Variants in ZC3H18 observed in about 807,000 individuals in gnomAD.
The protein encoded by ZC3H18 is zinc finger CCCH domain-containing protein 18.
Under a neutral mutation model 106.1 loss-of-function variants are expected in ZC3H18, and 8 were observed. The ratio of observed to expected loss-of-function variants is 0.08; its 90% CI spans 0.04 to 0.14. The LOEUF (loss-of-function observed/expected upper bound fraction) is 0.14. Among genes scored for constraint, ZC3H18 ranks in the 10% least tolerant of loss-of-function variants. The pLI is 1.00. For synonymous variants in ZC3H18, 635 were observed against 522.1 expected (o/e 1.22, Z -2.95); for missense variants, 1,318 against 1,278.4 (o/e 1.03, Z -0.47).
Position 88,577,350 on chromosome 16 carries a change from C to G in ZC3H18, c.227C>G (p.Pro76Arg), listed in dbSNP as rs780752004. 2 of 1,602,044 alleles carry G rather than the reference C, an allele frequency of 1.2e-6. No homozygotes were observed. The highest frequency in any genetic ancestry group is 2.2e-5 in the East Asian group (1 of 44,710). ...GACGAGGAGGACCGGGCAAGTGAGC[C>G]TAAATCCCAAGACCAGGACTCAGAG... ...HSDEEDRASE[P>R]KSQDQDSEVN... The change falls in exon 2 of 18, where the codon CCT (proline) becomes CGT (arginine). Residue 76 changes from proline to arginine, a missense_variant. Around this residue, in one of 6 missense-constraint regions of ZC3H18, gnomAD observed 346 missense variants for 269.0 expected, o/e 1.29. Coordinates refer to ENST00000301011, the MANE Select transcript of ZC3H18 (RefSeq NM_144604.4).
intron 1 of ZC3H18, among the ~76,000 whole-genome samples, chr16:88,576,511 G>A (rs1265548088): frequency 3.3e-5 from 5 of 152,112 alleles, no homozygotes; most frequent in Non-Finnish European, 2.9e-5. Flanking sequence ...CAGTGAACAC[G>A]CAGGCAGGGC....
At position 88,624,612 on chromosome 16, in the gene ZC3H18, G is replaced by T. The variant is rs778920136; in HGVS notation, c.1909G>T (p.Val637Leu). The T allele has an allele frequency of 1.2e-6, 2 of 1,611,658 alleles. No individual in the cohort carries two copies. Among genetic ancestry groups the T allele is most frequent in the East Asian group, 4.5e-5 (2 of 44,702 alleles). Residue 637 changes from valine (V) to leucine (L), a missense_variant, in exon 12 of 18, where the codon GTG becomes TTG. Physicochemically the swap from Val to Leu is conservative, Grantham distance 32 (BLOSUM62 1). Coordinates refer to ENST00000301011, the MANE Select transcript of ZC3H18 (RefSeq NM_144604.4). ...PPPGKAGEKS[V>L]KKPAPPPAPP... ...CTCCCTGTCTCACAGAGAGAAGTCA[G>T]TGAAGAAGCCGGCCCCGCCTCCAGC...
intron 3 of ZC3H18, among the ~76,000 whole-genome samples, chr16:88,590,110 T>A (rs944317793): frequency 3.9e-5 from 6 of 151,968 alleles, no homozygotes; most frequent in African/African-American, 2.4e-5. Flanking sequence ...TTGCAAGAGC[T>A]CATCTTTCTT....
chr16:88,571,924 T>C (rs1218968977), intron 1 of ZC3H18, among the ~76,000 whole-genome samples: 4 of 152,238 alleles, frequency 2.6e-5, no homozygotes, highest in Non-Finnish European at 5.9e-5. Flanking sequence ...TTGAAAGTAA[T>C]TGTCCCAAAA....
At chr16:88,581,779 C>T (rs1366531277) in intron 2 of ZC3H18, among the ~76,000 whole-genome samples, 1 of 152,230 alleles carries the variant, frequency 6.6e-6, no homozygotes, top group African/African-American at 2.4e-5. Context: ...CCTCTCCTTT[C>T]TCCTGCACGT....
At chr16:88,614,219 G>A (rs1905438270) in intron 8 of ZC3H18, among the ~76,000 whole-genome samples, 1 of 152,248 alleles carries the variant, frequency 6.6e-6, no homozygotes, top group African/African-American at 2.4e-5. Flanking sequence ...CAGCTTCGTG[G>A]CTGGAGCCAC....
At chr16:88,576,612 C>T (rs904136372) in intron 1 of ZC3H18, among the ~76,000 whole-genome samples, 1 of 152,182 alleles carries the variant, frequency 6.6e-6, no homozygotes, top group Admixed American at 6.5e-5. Flanking sequence ...ACAGAAAAGG[C>T]TCCAGACTTG....
chr16:88,577,824 T>C, intron 2 of ZC3H18, 98 bp downstream of exon 2: 2 of 1,588,250 alleles, frequency 1.3e-6, no homozygotes, highest in Non-Finnish European at 1.7e-6. Flanking sequence ...ACTGACTTAG[T>C]GATTTGTTAC....
At chr16:88,630,825 C>T (rs1169585110) in intron 17 of ZC3H18, among the ~76,000 whole-genome samples, 1 of 150,136 alleles carries the variant, frequency 6.7e-6, no homozygotes, top group Non-Finnish European at 1.5e-5. Flanking sequence ...GCTCCGCATG[C>T]CCTTGGGCAA....
intron 3 of ZC3H18, 123 bp downstream of exon 3, chr16:88,586,807 A>AGGTGGTGGTGGTGGTGGTGGTGGTGGT (rs113134808): frequency 4.2e-6 from 2 of 476,018 alleles, no homozygotes; most frequent in African/African-American, 4.1e-5. Flanking sequence ...ATTACTGGCT[A>AGGTGGTGGTGGTGGTGGTGGTGGTGGT]GGTGGTGGTG....
At chr16:88,603,233 T>A (rs1434478066) in intron 6 of ZC3H18, among the ~76,000 whole-genome samples, 2 of 151,902 alleles carry the variant, frequency 1.3e-5, no homozygotes, top group Non-Finnish European at 2.9e-5. Context: ...CCCAAAGTGC[T>A]GGGATGACAG....
At chr16:88,620,006 G>A (rs559490999) in intron 8 of ZC3H18, among the ~76,000 whole-genome samples, 1 of 152,310 alleles carries the variant, frequency 6.6e-6, no homozygotes, top group Non-Finnish European at 1.5e-5. Context: ...ATAGCTCTTG[G>A]GGTTTTGGGC....
chr16:88,584,941 TC>T (rs1444585560), intron 2 of ZC3H18, among the ~76,000 whole-genome samples: 56 of 152,374 alleles, frequency 3.7e-4, no homozygotes, highest in Non-Finnish European at 7.6e-4. Context: ...ATTCGAACTT[TC>T]CAAATGAGTT....
intron 6 of ZC3H18, among the ~76,000 whole-genome samples, chr16:88,600,924 A>G (rs1904716528): frequency 6.6e-6 from 1 of 152,230 alleles, no homozygotes; most frequent in Non-Finnish European, 1.5e-5. Context: ...GCAGCCCTGT[A>G]CATTTCTGGT....
At position 88,631,302 on chromosome 16, in the gene ZC3H18, C is replaced by T. The variant is rs369108863; in HGVS notation, c.*3C>T. On this transcript the variant is annotated 3_prime_UTR_variant, in exon 18 of 18. Coordinates refer to ENST00000301011, the MANE Select transcript of ZC3H18 (RefSeq NM_144604.4). ...CCAAGATCCCCGGGAAAGCATAGGC[C>T]GTGCCCCGACCGGACTGGACGCATT... 4.4e-5 allele frequency: 69 copies of T among 1,573,184 alleles called. No homozygotes were observed. Among genetic ancestry groups the T allele is most frequent in the East Asian group, 9.6e-5 (4 of 41,808 alleles).
Position 88,577,490 on chromosome 16 carries a change from C to G in ZC3H18, c.367C>G (p.Leu123Val). The G allele has an allele frequency of 3.1e-6, 5 of 1,612,896 alleles. No homozygotes were observed. The highest frequency in any genetic ancestry group is 3.4e-6 in the Non-Finnish European group (4 of 1,179,790). ...RDEASSVTRE[L>V]DEHELDYDEE... is the part of the protein sequence containing the mutation. The stretch of plus-strand genomic sequence containing the variant: ...TGAGGCCTCCTCAGTCACCAGGGAG[C>G]TGGATGAGCATGAGCTAGACTACGA... The change falls in exon 2 of 18, where the codon CTG becomes GTG. Residue 123 changes from leucine to valine, a missense_variant. By Grantham distance (32) the Leu-to-Val change is conservative. Coordinates refer to ENST00000301011, the MANE Select transcript of ZC3H18 (RefSeq NM_144604.4).
chr16:88,601,247 CAGAA>C (rs1904735685), intron 6 of ZC3H18, among the ~76,000 whole-genome samples: 1 of 152,238 alleles, frequency 6.6e-6, no homozygotes, highest in Admixed American at 6.5e-5. Flanking sequence ...TGTCAGATCA[CAGAA>C]AGGAGCATTT....
intron 8 of ZC3H18, among the ~76,000 whole-genome samples, chr16:88,619,469 G>T (rs1047372309): frequency 6.6e-6 from 1 of 152,018 alleles, no homozygotes; most frequent in Admixed American, 6.5e-5. Context: ...GATGGTGCAG[G>T]CCCGTCCACA....
intron 13 of ZC3H18, chr16:88,626,346 T>G (rs1390415942): frequency 6.6e-6 from 1 of 152,126 alleles, no homozygotes; most frequent in African/African-American, 2.4e-5. Flanking sequence ...ATCACGACAT[T>G]GCATTCCAGC....
Sources: gnomAD v4.1 joint callset for allele counts (sites outside exome capture counted in the v4.1 genomes callset) on GRCh38, gnomAD v4.1.1 for gene constraint, gnomAD v4.1.1 regional missense constraint, MANE v1.5 for transcripts, NCBI Gene and HGNC (gene_info 2026-07-23, HGNC 2026-07-21) for gene names.